The following ZNF529 variants were observed in gnomAD, a reference collection of about 807,000 sequenced individuals.
ZNF529 encodes zinc finger protein 529.
Under a neutral mutation model 10.1 loss-of-function variants are expected in ZNF529, and 11 were observed. The ratio of observed to expected loss-of-function variants is 1.09; its 90% CI spans 0.69 to 1.81. The LOEUF is 1.81. Ranked by LOEUF, ZNF529 falls within the 40% of genes most tolerant of loss-of-function variation. The pLI is 0.00. For missense variants in ZNF529, 624 were observed against 666.8 expected, an observed-to-expected ratio of 0.94 and a Z score of 0.71; for synonymous variants, 204 against 215.7, an observed-to-expected ratio of 0.95 and a Z score of 0.47.
At chr19:36,584,169 T>C (rs910535560) in intron 2 of ZNF529, among the ~76,000 whole-genome samples, 8 of 151,978 alleles carry the variant, frequency 5.3e-5, no homozygotes, top group African/African-American at 1.9e-4. Flanking sequence ...GGAAAGATGA[T>C]TGGGCACAAG....
At chr19:36,588,121 C>T (rs1321121835) in intron 2 of ZNF529, among the ~76,000 whole-genome samples, 1 of 152,088 alleles carries the variant, frequency 6.6e-6, no homozygotes, top group Non-Finnish European at 1.5e-5. Context: ...GCAGTCCAGC[C>T]TGGGTGAAAG....
At chr19:36,600,834 A>G (rs1016368771) in intron 1 of ZNF529, among the ~76,000 whole-genome samples, 1 of 152,226 alleles carries the variant, frequency 6.6e-6, no homozygotes, top group Non-Finnish European at 1.5e-5. Flanking sequence ...TGAATTGCAT[A>G]TAATTTTCAC....
At chr19:36,550,460 C>T (rs1192630659) in intron 4 of ZNF529, among the ~76,000 whole-genome samples, 2 of 152,208 alleles carry the variant, frequency 1.3e-5, no homozygotes, top group African/African-American at 2.4e-5. Flanking sequence ...GCAGGAGAAT[C>T]GCTCAAACCT....
In ZNF529 at chr19:36,604,135, G is replaced by A. The variant is rs181084144; in HGVS notation, c.-128+991C>T. Among the ~76,000 whole-genome samples the A allele has an allele frequency of 6.5e-3, 994 of 152,266 alleles. 4 individuals are homozygous for A. The highest frequency in any genetic ancestry group is 0.011 in the Admixed American group (174 of 15,286). On this transcript the variant is annotated intron_variant, in intron 1 of 4. Transcript: ENST00000585960. Reference sequence around the variant, plus strand: ...GCGGAGGTTGCAATGAGCCGAGATTGCGCCACTGCACTCCAGCCTGGGCAA... The same window carrying A: ...GCGGAGGTTGCAATGAGCCGAGATTACGCCACTGCACTCCAGCCTGGGCAA...
intron 2 of ZNF529, among the ~76,000 whole-genome samples, chr19:36,587,908 C>T (rs747599910): frequency 7.2e-5 from 11 of 152,068 alleles, no homozygotes; most frequent in African/African-American, 1.9e-4. Context: ...GAGATACATA[C>T]GATCTAAAAT....
chr19:36,585,047 A>T (rs1277318867), intron 2 of ZNF529, among the ~76,000 whole-genome samples: 4 of 152,122 alleles, frequency 2.6e-5, no homozygotes, highest in Non-Finnish European at 5.9e-5. Flanking sequence ...AGCTAAGGGG[A>T]GGCCTGGTGA....
rs1183952456 is a variant in ZNF529, at chr19:36,544,073, A to G, written c.*2793T>C. ...ATATCCTATCCTATTGAATATGAGAATAAAGCTCCTATGCAGGCTTAGAGA... is the reference window on the plus strand; with the variant it reads ...ATATCCTATCCTATTGAATATGAGAGTAAAGCTCCTATGCAGGCTTAGAGA... On this transcript the variant is annotated 3_prime_UTR_variant, in exon 5 of 5. Transcript: ENST00000591340. 4 of 152,282 alleles carry G rather than the reference A, an allele frequency of 2.6e-5. No homozygotes were observed. Among genetic ancestry groups the G allele is most frequent in the East Asian group, 3.9e-4 (2 of 5,168 alleles). 9.4% of individuals were successfully genotyped at this position (152,282 alleles called of 1,614,324 possible).
At chr19:36,585,945 T>G (rs1358059776) in intron 2 of ZNF529, among the ~76,000 whole-genome samples, 1 of 152,236 alleles carries the variant, frequency 6.6e-6, no homozygotes, top group Non-Finnish European at 1.5e-5. Flanking sequence ...GTATGTACTG[T>G]TCCTTGATTT....
intron 2 of ZNF529, among the ~76,000 whole-genome samples, chr19:36,571,440 T>C (rs1293427212): frequency 3.9e-5 from 6 of 152,234 alleles, no homozygotes; most frequent in Non-Finnish European, 1.5e-5. Flanking sequence ...TTTGGGAGGA[T>C]GAGGTGGGTG....
chr19:36,598,017 A>G (rs1362426613), intron 1 of ZNF529, among the ~76,000 whole-genome samples: 4 of 152,172 alleles, frequency 2.6e-5, no homozygotes, highest in Non-Finnish European at 5.9e-5. Context: ...GTAGATATCT[A>G]TACTTAAAAT....
In ZNF529 at chr19:36,567,507, C is replaced by T. The variant is rs529542414; in HGVS notation, c.14+4826G>A. Among the ~76,000 whole-genome samples the T allele has an allele frequency of 2.7e-4, 41 of 152,006 alleles. No homozygotes were observed. The South Asian group carries it at 8.3e-3, about 31-fold the overall frequency. On this transcript the variant is annotated intron_variant, in intron 2 of 4. Coordinates refer to ENST00000591340, the MANE Select transcript of ZNF529 (RefSeq NM_020951.5). ...AGAGTGGGGTGCAGTGGCGCCATCTCGGCTCACTGCAACCTCCACCTCCCA... is the reference window on the plus strand; with the variant it reads ...AGAGTGGGGTGCAGTGGCGCCATCTTGGCTCACTGCAACCTCCACCTCCCA...
chr19:36,563,036 G>C (rs1024060654), intron 2 of ZNF529, among the ~76,000 whole-genome samples: 18 of 152,126 alleles, frequency 1.2e-4, no homozygotes, highest in African/African-American at 4.1e-4. Context: ...ATGATGCCTT[G>C]ATCTTGGACT....
chr19:36,547,310 A>G lies in ZNF529; in HGVS notation c.1248T>C (p.His416=), dbSNP rs944040453. ...TACATTTATAGGGTTTTTCACCAGT[A>G]TGAATCCTCTGATGTCTAGTCAGGG... The part of the protein sequence containing the change: ...SSSLTRHQRI[H]TGEKPYKCKE... Residue 416 remains histidine (H), a synonymous_variant, in exon 5 of 5, where the codon CAT becomes CAC. Coordinates refer to ENST00000591340, the MANE Select transcript of ZNF529 (RefSeq NM_020951.5). 9.3e-6 allele frequency: 15 copies of G among 1,613,770 alleles called. No homozygotes were observed. Among genetic ancestry groups the G allele is most frequent in the African/African-American group, 2.7e-5 (2 of 74,924 alleles).
Position 36,547,441 on chromosome 19 carries a change from TC to T in ZNF529, c.1116del (p.Lys373ArgfsTer37), listed in dbSNP as rs753847141. On this transcript the variant is annotated frameshift_variant, in exon 5 of 5. Transcript: ENST00000591340. LOFTEE classifies it low-confidence loss of function (END_TRUNC). ...GEKPYACKEC[G>X]KAFGVCRELA... Reference sequence around the variant, plus strand: ...AGTTCTCTACATACTCCAAAAGCCTTCCCACATTCCTTACATGCATAAGGTT... The same window carrying T: ...AGTTCTCTACATACTCCAAAAGCCTTCCACATTCCTTACATGCATAAGGTT... 32 of 1,614,018 alleles carry T rather than the reference TC, an allele frequency of 2.0e-5. No individual in the cohort carries two copies. Among genetic ancestry groups the T allele is most frequent in the Non-Finnish European group, 2.6e-5 (31 of 1,179,936 alleles).
chr19:36,546,499 G>C lies in ZNF529; in HGVS notation c.*367C>G, dbSNP rs1019515325. ...CTGTGGAGGAAAATAAGTAAGTATA[G>C]ATATCACAAGCAAAGAATTACAATG... On this transcript the variant is annotated 3_prime_UTR_variant, in exon 5 of 5. Coordinates refer to ENST00000591340, the MANE Select transcript of ZNF529 (RefSeq NM_020951.5). 9 of 180,614 alleles carry C rather than the reference G, an allele frequency of 5.0e-5. No individual in the cohort carries two copies. The highest frequency in any genetic ancestry group is 9.3e-5 in the Non-Finnish European group (8 of 86,190). 11.2% of individuals were successfully genotyped at this position (180,614 alleles called of 1,614,324 possible).
intron 2 of ZNF529, among the ~76,000 whole-genome samples, chr19:36,569,647 G>A (rs1360513145): frequency 6.6e-6 from 1 of 151,934 alleles, no homozygotes; most frequent in Non-Finnish European, 1.5e-5. Context: ...CACACCTGTA[G>A]TCCCAGCTAC....
chr19:36,577,907 T>TAA (rs1012956990), upstream of ZNF529: 3 of 152,172 alleles, frequency 2.0e-5, no homozygotes, highest in Non-Finnish European at 4.4e-5. Flanking sequence ...AATGGTATTC[T>TAA]AAGCCTTCCT....
chr19:36,576,690 C>T (rs929775336), upstream of ZNF529, among the ~76,000 whole-genome samples: 3 of 151,942 alleles, frequency 2.0e-5, no homozygotes, highest in Admixed American at 6.6e-5. Context: ...GTACTCCATC[C>T]TGGGCTACAA....
At chr19:36,597,124 A>G (rs1397960137) in intron 1 of ZNF529, among the ~76,000 whole-genome samples, 2 of 152,024 alleles carry the variant, frequency 1.3e-5, no homozygotes, top group Admixed American at 1.3e-4. Context: ...CTCCCATCTC[A>G]CCCCTCAAAT....
Sources: allele counts gnomAD v4.1 joint callset (sites outside exome capture counted in the v4.1 genomes callset), GRCh38; gene constraint gnomAD v4.1.1; transcripts MANE v1.5; gene names NCBI Gene and HGNC (gene_info 2026-07-23, HGNC 2026-07-21).